The following LNX1 variants were observed in gnomAD, a reference collection of about 807,000 sequenced individuals.
LNX1 encodes E3 ubiquitin-protein ligase LNX.
LNX1 carries 54 observed loss-of-function variants against 68.4 expected under a neutral mutation model. The observed-to-expected ratio is 0.79, with a 90% CI of 0.63 to 0.99. The LOEUF is 0.99. LNX1 is among the 50% of genes least tolerant of loss of function. LNX1 has a pLI of 0.00. For missense variants in LNX1, 906 were observed against 926.4 expected, an observed-to-expected ratio of 0.98 and a Z score of 0.29; for synonymous variants, 336 against 350.0, an observed-to-expected ratio of 0.96 and a Z score of 0.45.
chr4:53,568,015 A>G (rs930327952), intron 2 of LNX1, among the ~76,000 whole-genome samples: 2 of 152,236 alleles, frequency 1.3e-5, no homozygotes, highest in Admixed American at 6.5e-5. Flanking sequence ...TAGCTTACCA[A>G]CCAAAAGGAG....
At chr4:53,635,110 A>G (rs540624397) in intron 1 of LNX1, among the ~76,000 whole-genome samples, 1 of 152,316 alleles carries the variant, frequency 6.6e-6, no homozygotes, top group Non-Finnish European at 1.5e-5. Flanking sequence ...AATAGCACGC[A>G]TGAGCCATGG....
Position 53,498,714 on chromosome 4 carries a change from A to T in LNX1, c.905T>A (p.Ile302Asn). ...CCCATCACGATAAATGTGTTGGATA[A>T]TGATATGGACCAGTGGGGTTTCGCT... ...GGSETPLVHI[I>N]IQHIYRDGVI... The change falls in exon 5 of 11, where the codon ATT becomes AAT. Residue 302 changes from isoleucine (I) to asparagine (N), a missense_variant. Coordinates refer to ENST00000263925, the MANE Select transcript of LNX1 (RefSeq NM_001126328.3). 6.2e-7 allele frequency: 1 copy of T among 1,614,072 alleles called. No individual in the cohort carries two copies. Among genetic ancestry groups the T allele is most frequent in the Non-Finnish European group, 8.5e-7 (1 of 1,179,952 alleles).
In LNX1 at chr4:53,498,862, G is replaced by A; in HGVS notation, c.776-19C>T. ...GGAAAGACTGAAATGGACAAAGAGT[G>A]TTTATTTAAGACACCCACCCAATGG... On this transcript the variant is annotated intron_variant, in intron 4 of 10. Transcript: ENST00000263925. 6.3e-7 allele frequency: 1 copy of A among 1,595,450 alleles called. No individual in the cohort carries two copies. The highest frequency in any genetic ancestry group is 8.6e-7 in the Non-Finnish European group (1 of 1,164,746).
At chr4:53,474,776 T>TC (rs1281201167) in intron 9 of LNX1, among the ~76,000 whole-genome samples, 1 of 150,732 alleles carries the variant, frequency 6.6e-6, no homozygotes, top group African/African-American at 2.4e-5. Flanking sequence ...TACTTCTTCT[T>TC]TTTTTTTTGA....
At chr4:53,586,800 T>C (rs888554073) in intron 1 of LNX1, among the ~76,000 whole-genome samples, 21 of 152,352 alleles carry the variant, frequency 1.4e-4, no homozygotes, top group Middle Eastern at 6.8e-3. Flanking sequence ...AGGCAGAAAT[T>C]CTTTTTAGAA....
At chr4:53,647,869 C>T (rs1057259232) in intron 1 of LNX1, among the ~76,000 whole-genome samples, 10 of 152,220 alleles carry the variant, frequency 6.6e-5, no homozygotes, top group Non-Finnish European at 1.5e-4. Flanking sequence ...CGTATTTGTC[C>T]TTCTGAAACT....
intron 4 of LNX1, chr4:53,500,606 G>A (rs996459272): frequency 2.0e-5 from 3 of 152,162 alleles, no homozygotes; most frequent in African/African-American, 7.2e-5. Context: ...TTCTAAGTAT[G>A]TTAGGGCAAA....
chr4:53,475,379 A>G (rs978294586), intron 9 of LNX1, among the ~76,000 whole-genome samples: 1 of 152,254 alleles, frequency 6.6e-6, no homozygotes, highest in African/African-American at 2.4e-5. Flanking sequence ...CTCAACGCTC[A>G]GATTTTAACT....
rs10553873 is a variant in LNX1, at chr4:53,610,715, G to GAAAA, written c.-215+5798_-215+5801dup. On this transcript the variant is annotated intron_variant, in intron 2 of 3. Transcript: ENST00000504299. ...AGAGCAAGACTCCCGTCTCAAAGAG[G>GAAAA]AAAAAAAAAAAAAAAAAAGAAATAA... 1.3e-3 allele frequency among the ~76,000 whole-genome samples: 146 copies of GAAAA among 112,528 alleles called. 1 individual carries two copies. The highest frequency in any genetic ancestry group is 3.6e-3 in the African/African-American group (106 of 29,722). 73.8% of individuals were successfully genotyped at this position (112,528 alleles called of 152,430 possible). A position where few individuals can be genotyped will look rare whatever the true frequency, so the allele number is the denominator to read the frequency against.
chr4:53,619,866 C>A (rs1378867482), upstream of LNX1, among the ~76,000 whole-genome samples: 7 of 152,180 alleles, frequency 4.6e-5, no homozygotes, highest in Admixed American at 4.6e-4. Context: ...CACATCCTTG[C>A]CAGTGCTTGT....
rs1400224480 is a variant in LNX1 at position 53,461,602 on chromosome 4, G to A, written c.1893-9C>T. 1.9e-6 allele frequency: 3 copies of A among 1,603,048 alleles called. No individual in the cohort carries two copies. Among genetic ancestry groups the A allele is most frequent in the Non-Finnish European group, 2.6e-6 (3 of 1,172,160 alleles). On this transcript the variant is annotated splice_polypyrimidine_tract_variant and intron_variant, in intron 9 of 10. Coordinates refer to ENST00000263925, the MANE Select transcript of LNX1 (RefSeq NM_001126328.3). Reference sequence around the variant, plus strand: ...TACAGTTATACAAGCACCTGAAATAGAATGTAATCAGTGTACATGCATATT... The same window carrying A: ...TACAGTTATACAAGCACCTGAAATAAAATGTAATCAGTGTACATGCATATT...
At chr4:53,471,323 C>T (rs1723161268) in intron 9 of LNX1, among the ~76,000 whole-genome samples, 1 of 151,920 alleles carries the variant, frequency 6.6e-6, no homozygotes, top group Non-Finnish European at 1.5e-5. Context: ...TTCCTTACAC[C>T]TTATACAAAA....
At chr4:53,630,093 TG>T (rs764262471) in intron 1 of LNX1, among the ~76,000 whole-genome samples, 9 of 149,576 alleles carry the variant, frequency 6.0e-5, no homozygotes, top group African/African-American at 1.5e-4. Flanking sequence ...TAAAAAAAGG[TG>T]GGGGGGGCAT....
chr4:53,580,516 A>G (rs1395452313), intron 1 of LNX1, among the ~76,000 whole-genome samples: 1 of 152,224 alleles, frequency 6.6e-6, no homozygotes, highest in Admixed American at 6.5e-5. Flanking sequence ...GCAATAGCAC[A>G]CACTACTGCT....
rs115173903 is a variant in LNX1, at chr4:53,651,261, G to A, written c.-215+907C>T. On this transcript the variant is annotated intron_variant, in intron 1 of 2. Coordinates refer to the LNX1 transcript ENST00000507168. ...CAAGTCCACACTTTATGTTGAGCTC[G>A]TTTGAAGCTCACCTCTTTAGGGGAG... is the stretch of plus-strand genomic sequence containing the variant. Among the ~76,000 whole-genome samples, 746 of 152,278 alleles carry A rather than the reference G, an allele frequency of 4.9e-3. 3 individuals are homozygous for A. The highest frequency in any genetic ancestry group is 0.017 in the African/African-American group (709 of 41,554).
At chr4:53,598,028 C>T (rs1258918246) in intron 2 of LNX1, among the ~76,000 whole-genome samples, 1 of 152,304 alleles carries the variant, frequency 6.6e-6, no homozygotes, top group Admixed American at 6.5e-5. Flanking sequence ...GACTGAGTCT[C>T]TGCGAGGTAA....
intron 9 of LNX1, among the ~76,000 whole-genome samples, chr4:53,472,687 A>ACAAC (rs1185089666): frequency 7.3e-5 from 9 of 123,430 alleles, no homozygotes; most frequent in African/African-American, 2.5e-4. Context: ...AACAACAACA[A>ACAAC]AAAAAAAAAA....
intron 1 of LNX1, chr4:53,652,079 G>C (rs1360850142): frequency 6.6e-6 from 1 of 151,720 alleles, no homozygotes; most frequent in Non-Finnish European, 1.5e-5. Flanking sequence ...AAGAGATAGG[G>C]GTGAGAGCTG....
At chr4:53,634,930 A>T (rs906469992) in intron 1 of LNX1, among the ~76,000 whole-genome samples, 8 of 151,772 alleles carry the variant, frequency 5.3e-5, no homozygotes, top group African/African-American at 1.9e-4. Context: ...GGCTTAATTG[A>T]TCCTCCTGCC....
Sources: allele counts gnomAD v4.1 joint callset (sites outside exome capture counted in the v4.1 genomes callset), GRCh38; gene constraint gnomAD v4.1.1; transcripts MANE v1.5; gene names NCBI Gene and HGNC (gene_info 2026-07-23, HGNC 2026-07-21).